Variants in CSMD1 observed in about 807,000 individuals in gnomAD.
CSMD1 encodes the protein CUB and Sushi multiple domains 1, also known as CUB and sushi domain-containing protein 1.
A neutral mutation model predicts 417.5 loss-of-function variants in CSMD1; 213 were observed. That is an observed-to-expected ratio of 0.51 (90% CI 0.46 to 0.57). CSMD1 has a LOEUF of 0.57. Ranked by LOEUF, CSMD1 falls within the 20% of genes least tolerant of loss-of-function variation. The probability of loss-of-function intolerance (pLI) is 0.00; values close to 1 mark genes in which losing one functional copy is unlikely to be tolerated. For missense variants in CSMD1, 6,923 were observed against 4,529.7 expected (o/e 1.53, Z -15.17); for synonymous variants, 2,862 against 1,736.8 (o/e 1.65, Z -16.11).
rs140053255 is a variant in CSMD1, at chr8:4,387,643, A to G, written c.415+32310T>C. On this transcript the variant is annotated intron_variant, in intron 3 of 69. Coordinates refer to ENST00000635120, the MANE Select transcript of CSMD1 (RefSeq NM_033225.6). ...AAGAATTTAATATGAAACCATTTAC[A>G]ATAATTAAAAATGAAAAACTACATC... Among the ~76,000 whole-genome samples, 55 of 151,134 alleles carry G rather than the reference A, an allele frequency of 3.6e-4. No individual in the cohort carries two copies. The East Asian group carries it at 9.3e-3, about 26-fold the overall frequency.
In CSMD1 at chr8:3,017,742, A is replaced by G. The variant is rs561382418; in HGVS notation, c.8029+735T>C. Among the ~76,000 whole-genome samples, 19 of 148,614 alleles carry G rather than the reference A, an allele frequency of 1.3e-4. No individual in the cohort carries two copies. The South Asian group carries it at 4.0e-3, about 31-fold the overall frequency. On this transcript the variant is annotated intron_variant, in intron 52 of 69. Transcript: ENST00000635120. ...TTACTGGGCCTGGCTTAGTTCCTGA[A>G]GTGATCTTTGCCCATGCAGATTCAG...
chr8:4,023,583 CT>C (rs35976423), intron 4 of CSMD1, among the ~76,000 whole-genome samples: 33,149 of 130,280 alleles, frequency 0.25, 4,178 homozygotes, highest in South Asian at 0.31. Context: ...TGCTTTTCAA[CT>C]TTTTTTTTTT....
intron 2 of CSMD1, among the ~76,000 whole-genome samples, chr8:4,609,240 A>G (rs944646570): frequency 2.6e-5 from 4 of 152,200 alleles, no homozygotes; most frequent in Non-Finnish European, 5.9e-5. Flanking sequence ...TATCTACAAA[A>G]AAATGAAAAA....
intron 1 of CSMD1, among the ~76,000 whole-genome samples, chr8:4,750,861 G>A (rs182576735): frequency 6.6e-6 from 1 of 152,266 alleles, no homozygotes; most frequent in East Asian, 1.9e-4. Flanking sequence ...TTGGGATTTA[G>A]TGAAGGGACT....
At chr8:4,521,636 G>C (rs1319614369) in intron 2 of CSMD1, among the ~76,000 whole-genome samples, 1 of 152,124 alleles carries the variant, frequency 6.6e-6, no homozygotes, top group African/African-American at 2.4e-5. Flanking sequence ...GTAACTTTAT[G>C]GTAGAAAAAG....
intron 8 of CSMD1, among the ~76,000 whole-genome samples, chr8:3,598,755 C>T (rs1801213556): frequency 1.3e-5 from 2 of 152,102 alleles, no homozygotes; most frequent in African/African-American, 4.8e-5. Context: ...CCCCCCGCCC[C>T]TTCTTTTGAG....
At chr8:4,708,400 T>C (rs761733850) in intron 1 of CSMD1, among the ~76,000 whole-genome samples, 8 of 152,198 alleles carry the variant, frequency 5.3e-5, no homozygotes, top group South Asian at 2.1e-4. Context: ...TAAAACTGAA[T>C]ATGTATCTGG....
At chr8:4,502,806 T>C (rs1180804544) in intron 2 of CSMD1, among the ~76,000 whole-genome samples, 2 of 152,134 alleles carry the variant, frequency 1.3e-5, no homozygotes, top group South Asian at 2.1e-4. Context: ...GACTCACCAG[T>C]AAATCCCCAG....
chr8:4,875,605 T>G (rs1802997425), intron 1 of CSMD1, among the ~76,000 whole-genome samples: 2 of 152,090 alleles, frequency 1.3e-5, no homozygotes, highest in Non-Finnish European at 2.9e-5. Flanking sequence ...CCTCTAAGCG[T>G]AGCTTGAGTT....
At chr8:3,665,071 G>A (rs964108279) in intron 7 of CSMD1, among the ~76,000 whole-genome samples, 9 of 151,986 alleles carry the variant, frequency 5.9e-5, no homozygotes, top group Non-Finnish European at 8.8e-5. Context: ...TGACATTCAA[G>A]AAACATCCAT....
chr8:4,071,218 C>G (rs1340064457), intron 3 of CSMD1, among the ~76,000 whole-genome samples: 1 of 151,976 alleles, frequency 6.6e-6, no homozygotes, highest in African/African-American at 2.4e-5. Flanking sequence ...GGAGTTTCAG[C>G]TAAACGTCTG....
intron 6 of CSMD1, among the ~76,000 whole-genome samples, chr8:3,723,879 T>TATA (rs1802332161): frequency 1.3e-5 from 2 of 152,246 alleles, no homozygotes; most frequent in African/African-American, 4.8e-5. Flanking sequence ...CACGTTTTAC[T>TATA]ATAATAAAGT....
At chr8:4,764,697 A>T (rs552646660) in intron 1 of CSMD1, among the ~76,000 whole-genome samples, 2 of 147,070 alleles carry the variant, frequency 1.4e-5, no homozygotes, top group Admixed American at 6.8e-5. Flanking sequence ...AAAAAAAAAA[A>T]CCCATCTCTA....
intron 7 of CSMD1, among the ~76,000 whole-genome samples, chr8:3,707,608 A>G (rs556788171): frequency 1.3e-5 from 2 of 152,328 alleles, no homozygotes; most frequent in African/African-American, 4.8e-5. Flanking sequence ...GCTGGTACCC[A>G]GTAACTGTTA....
intron 5 of CSMD1, among the ~76,000 whole-genome samples, chr8:3,803,535 A>G (rs1800572047): frequency 6.6e-6 from 1 of 152,312 alleles, no homozygotes; most frequent in Admixed American, 6.5e-5. Context: ...TGGGCCCAGG[A>G]CAGAGGTACG....
At chr8:4,374,227 A>G (rs1401145809) in intron 3 of CSMD1, among the ~76,000 whole-genome samples, 1 of 152,108 alleles carries the variant, frequency 6.6e-6, no homozygotes, top group Non-Finnish European at 1.5e-5. Flanking sequence ...AGCAGTCCCC[A>G]CAACATCATC....
intron 2 of CSMD1, among the ~76,000 whole-genome samples, chr8:4,460,338 G>T (rs911854949): frequency 6.6e-6 from 1 of 152,012 alleles, no homozygotes; most frequent in African/African-American, 2.4e-5. Context: ...CTGAAGAATT[G>T]CATAGAGGGA....
chr8:4,201,026 G>C (rs372030170), intron 3 of CSMD1, among the ~76,000 whole-genome samples: 1 of 152,116 alleles, frequency 6.6e-6, no homozygotes, highest in African/African-American at 2.4e-5. Context: ...GGCATCATGA[G>C]ATACTACAGA....
chr8:4,762,104 T>G (rs1673240), intron 1 of CSMD1, among the ~76,000 whole-genome samples: 1 of 151,896 alleles, frequency 6.6e-6, no homozygotes, highest in South Asian at 2.1e-4. Context: ...TAAACTCAAT[T>G]TCCCCTATAA....
Sources: allele counts gnomAD v4.1 joint callset (sites outside exome capture counted in the v4.1 genomes callset), GRCh38; gene constraint gnomAD v4.1.1; transcripts MANE v1.5; gene names NCBI Gene and HGNC (gene_info 2026-07-23, HGNC 2026-07-21).